Variants in UTY observed in about 807,000 individuals in gnomAD.
The protein encoded by UTY is histone demethylase UTY.
In UTY, 12 loss-of-function variants were observed where a neutral mutation model predicts 32.5. That is an observed-to-expected ratio of 0.37 (90% CI 0.24 to 0.60). The LOEUF (loss-of-function observed/expected upper bound fraction) is 0.60. UTY is among the 20% of genes least tolerant of loss of function. The pLI is 0.69. For missense variants in UTY, 303 were observed against 299.2 expected, an observed-to-expected ratio of 1.01 and a Z score of -0.09; for synonymous variants, 131 against 103.4, an observed-to-expected ratio of 1.27 and a Z score of -1.62.
intron 8 of UTY, among the ~76,000 whole-genome samples, chrY:13,387,066 CATT>C (rs2066929518): frequency 6.0e-5 from 2 of 33,273 alleles, no homozygotes; most frequent in Non-Finnish European, 1.5e-4. Context: ...TTCACAGTAA[CATT>C]ATTTCTAATT....
chrY:13,451,739 C>T, intron 3 of UTY, among the ~76,000 whole-genome samples: 1 of 33,541 alleles, frequency 3.0e-5, no homozygotes, highest in Non-Finnish European at 7.4e-5. Flanking sequence ...CTACCTATTG[C>T]ATTAATGTGA....
chrY:13,470,658 A>G (rs2078406621), intron 2 of UTY, among the ~76,000 whole-genome samples: 1 of 33,070 alleles, frequency 3.0e-5, no homozygotes, highest in Admixed American at 2.8e-4. Context: ...ACTGACTTTA[A>G]AAATAATAAT....
At chrY:13,440,508 G>A (rs748443670) in intron 4 of UTY, among the ~76,000 whole-genome samples, 1 of 33,244 alleles carries the variant, frequency 3.0e-5, no homozygotes, top group East Asian at 7.9e-4. Context: ...CAAAGGGGGC[G>A]GAAATACAAT....
At chrY:13,392,612 A>C in intron 8 of UTY, among the ~76,000 whole-genome samples, 1 of 33,568 alleles carries the variant, frequency 3.0e-5, no homozygotes, top group Admixed American at 2.7e-4. Context: ...CAAACAGATA[A>C]TTCTTAAAAA....
chrY:13,477,244 C>T, intron 2 of UTY, among the ~76,000 whole-genome samples: 1 of 33,074 alleles, frequency 3.0e-5, no homozygotes, highest in African/African-American at 1.2e-4. Context: ...GATTTGACAA[C>T]ATCATAAGCA....
chrY:13,405,419 T>C (rs373233563), intron 6 of UTY, among the ~76,000 whole-genome samples: 1 of 32,412 alleles, frequency 3.1e-5, no homozygotes, highest in Non-Finnish European at 7.6e-5. Context: ...CCAGCAAAGA[T>C]TGGATGGACA....
intron 8 of UTY, among the ~76,000 whole-genome samples, chrY:13,390,288 C>G (rs895309629): frequency 6.1e-5 from 2 of 32,780 alleles, no homozygotes; most frequent in South Asian, 1.4e-3. Context: ...CTATGTGGAA[C>G]AGGAGTACTA....
In UTY at chrY:13,248,839, T is replaced by C; in HGVS notation, c.*1017A>G. 2.6e-5 allele frequency: 1 copy of C among 38,909 alleles called. No individual in the cohort carries two copies. Among genetic ancestry groups the C allele is most frequent in the Non-Finnish European group, 6.0e-5 (1 of 16,542 alleles). The allele number at this position is 38,909 out of a possible 400,897, so 9.7% of individuals were successfully genotyped here. On this transcript the variant is annotated 3_prime_UTR_variant, in exon 30 of 30. Transcript: ENST00000545955. ...AACAGCAAACTTCCGTAATACTTTA[T>C]AATAGGCACCTCAAAAACTACCATA...
chrY:13,476,865 G>A (rs2079118533), intron 2 of UTY, among the ~76,000 whole-genome samples: 1 of 31,882 alleles, frequency 3.1e-5, no homozygotes, highest in African/African-American at 1.2e-4. Flanking sequence ...GAAACTAGTC[G>A]TTGGGATAGA....
chrY:13,472,872 C>A (rs931339445), intron 2 of UTY, among the ~76,000 whole-genome samples: 1 of 33,615 alleles, frequency 3.0e-5, no homozygotes, highest in East Asian at 7.8e-4. Flanking sequence ...AAACATTGAA[C>A]AAAAACAGAG....
At chrY:13,392,198 T>C in intron 8 of UTY, among the ~76,000 whole-genome samples, 1 of 33,146 alleles carries the variant, frequency 3.0e-5, no homozygotes, top group African/African-American at 1.2e-4. Context: ...TTACTTTTCC[T>C]ATATCAAAAG....
chrY:13,330,901 T>C, intron 18 of UTY, among the ~76,000 whole-genome samples: 2 of 33,316 alleles, frequency 6.0e-5, no homozygotes, highest in Non-Finnish European at 1.5e-4. Context: ...TTGGGTGGAA[T>C]TCATCACAGC....
chrY:13,469,753 G>C, intron 3 of UTY, among the ~76,000 whole-genome samples: 1 of 33,421 alleles, frequency 3.0e-5, no homozygotes, highest in South Asian at 6.4e-4. Context: ...AATCAAATGA[G>C]GAAATACTGT....
At chrY:13,299,271 C>T in intron 25 of UTY, 127 bp from the exon 26 acceptor site, 1 of 141,796 alleles carries the variant, frequency 7.1e-6, no homozygotes, top group African/African-American at 9.6e-5. Context: ...AAAAATGCTT[C>T]AAGTTTTTAT....
intron 6 of UTY, among the ~76,000 whole-genome samples, chrY:13,403,844 G>A (rs2069464744): frequency 3.1e-5 from 1 of 32,699 alleles, no homozygotes; most frequent in Non-Finnish European, 7.5e-5. Flanking sequence ...GGAATTCCAC[G>A]CGTTGTACTA....
intron 21 of UTY, among the ~76,000 whole-genome samples, chrY:13,308,453 T>C: frequency 3.2e-5 from 1 of 31,522 alleles, no homozygotes; most frequent in Non-Finnish European, 7.6e-5. Context: ...ATCTTTTCCC[T>C]ACTAAGAACA....
Position 13,306,257 on chromosome Y carries a change from G to T in UTY, c.3277-7C>A. On this transcript the variant is annotated splice_region_variant and splice_polypyrimidine_tract_variant and intron_variant, in intron 21 of 29. Transcript: ENST00000545955. ...TTCTTTTCTCATTTTCTTCCTTCAG[G>T]TTAAGAAAAAAATATTCATACTTAG... The T allele has an allele frequency of 2.7e-6, 1 of 374,481 alleles. No individual in the cohort carries two copies. Among genetic ancestry groups the T allele is most frequent in the East Asian group, 9.4e-5 (1 of 10,615 alleles). 93.4% of individuals were successfully genotyped at this position (374,481 alleles called of 400,897 possible). A position where few individuals can be genotyped will look rare whatever the true frequency, so the allele number is the denominator to read the frequency against.
chrY:13,459,271 T>C, intron 3 of UTY, among the ~76,000 whole-genome samples: 2 of 32,979 alleles, frequency 6.1e-5, no homozygotes. Context: ...ACCTATAAAG[T>C]TTAAAATTCA....
At chrY:13,431,612 C>CA (rs2074022284) in intron 4 of UTY, among the ~76,000 whole-genome samples, 3 of 28,227 alleles carry the variant, frequency 1.1e-4, no homozygotes, top group Non-Finnish European at 2.6e-4. Flanking sequence ...ATGGTTCAAA[C>CA]AAAAAAAAAA....
Sources: allele counts gnomAD v4.1 joint callset (sites outside exome capture counted in the v4.1 genomes callset), GRCh38; gene constraint gnomAD v4.1.1; transcripts MANE v1.5; gene names NCBI Gene and HGNC (gene_info 2026-07-23, HGNC 2026-07-21).